Variants in PPOX observed in about 807,000 individuals in gnomAD.
PPOX encodes the protein variegate porphyria.
A neutral mutation model predicts 54.1 loss-of-function variants in PPOX; 23 were observed. The ratio of observed to expected loss-of-function variants is 0.43; its 90% CI spans 0.31 to 0.60. The LOEUF is 0.60. PPOX is among the 20% of genes least tolerant of loss of function. The pLI, the probability that PPOX is intolerant of heterozygous loss-of-function variation, is 0.13. For missense variants in PPOX, 512 were observed against 601.1 expected, an observed-to-expected ratio of 0.85 and a Z score of 1.55; for synonymous variants, 224 against 236.1, an observed-to-expected ratio of 0.95 and a Z score of 0.47.
Position 161,169,641 on chromosome 1 carries a change from A to G in PPOX, c.808-19A>G. 2.5e-6 allele frequency: 4 copies of G among 1,613,086 alleles called. No individual in the cohort carries two copies. The highest frequency in any genetic ancestry group is 3.4e-6 in the Non-Finnish European group (4 of 1,179,056). On this transcript the variant is annotated intron_variant, in intron 7 of 12. Transcript: ENST00000367999. ...AAATTCTCATTTTCTGGGTCTCTCA[A>G]ATGTTTTCATGCTCTCAGGTATCTC...
intron 6 of PPOX, 128 bp downstream of exon 6, chr1:161,168,704 C>A: frequency 7.7e-7 from 1 of 1,300,620 alleles, no homozygotes; most frequent in Non-Finnish European, 1.1e-6. Flanking sequence ...GCTGCCTAGG[C>A]TGGAGTGCAG....
In PPOX at chr1:161,166,549, AGCCCTGCGAGGGCCGATAGCGAGGGTGT is replaced by A; in HGVS notation, c.-130_-103del. On this transcript the variant is annotated 5_prime_UTR_variant, in exon 1 of 13. Transcript: ENST00000367999. ...ACTCAGGCGTACTGCCCGCCGCCCG[AGCCCTGCGAGGGCCGATAGCGAGGGTGT>A]GGCCCTTATCTGCACCCAGCAGAGC... 2.2e-6 allele frequency: 3 copies of A among 1,387,254 alleles called. No individual in the cohort carries two copies. Among genetic ancestry groups the A allele is most frequent in the Non-Finnish European group, 2.8e-6 (3 of 1,069,106 alleles). The allele number at this position is 1,387,254 out of a possible 1,614,324, so 85.9% of individuals were successfully genotyped here.
downstream of PPOX, chr1:161,171,319 A>G: frequency 7.3e-7 from 1 of 1,362,610 alleles, no homozygotes. Context: ...ATGCGAGACA[A>G]AGTCCTTTAT....
At chr1:161,174,489 ACTAT>A (rs1157048066), downstream of PPOX, among the ~76,000 whole-genome samples, 1 of 152,018 alleles carries the variant, frequency 6.6e-6, no homozygotes, top group Non-Finnish European at 1.5e-5. Flanking sequence ...AAAAAGAAAG[ACTAT>A]CTTTTTCATT....
Position 161,171,152 on chromosome 1 carries a change from C to G in PPOX, c.1410C>G (p.Val470=), listed in dbSNP as rs779680280. The part of the protein sequence containing the change: ...IESGRQAAVS[V]LGTEPNS The stretch of plus-strand genomic sequence containing the variant: ...GTGGGCGCCAGGCAGCAGTCAGTGT[C>G]CTGGGCACAGAACCTAACAGCTGAT... Residue 470 remains valine, a synonymous_variant, in exon 13 of 13, where the codon GTC becomes GTG. Transcript: ENST00000367999. 3.7e-6 allele frequency: 6 copies of G among 1,613,462 alleles called. No homozygotes were observed. The highest frequency in any genetic ancestry group is 5.1e-6 in the Non-Finnish European group (6 of 1,180,038).
chr1:161,172,674 G>A (rs573465896), downstream of PPOX, among the ~76,000 whole-genome samples: 1 of 135,370 alleles, frequency 7.4e-6, no homozygotes, highest in African/African-American at 2.6e-5. Flanking sequence ...ACTGGGAGTT[G>A]CTGAGAATCT....
Position 161,167,011 on chromosome 1 carries a change from G to A in PPOX, c.87+77G>A, listed in dbSNP as rs1278933271. ...TCCATCAAAAGCTAGATGGATCCTGGCCCTCTGAATATGCCTCTTCCCCTC... is the reference window on the plus strand; with the variant it reads ...TCCATCAAAAGCTAGATGGATCCTGACCCTCTGAATATGCCTCTTCCCCTC... On this transcript the variant is annotated intron_variant, in intron 2 of 12. Transcript: ENST00000367999. 2.5e-6 allele frequency: 4 copies of A among 1,611,626 alleles called. No homozygotes were observed. The African/African-American group carries it at 4.0e-5, about 16-fold the overall frequency.
chr1:161,167,557 CTTTTTTTTTTTTT>C lies in PPOX; in HGVS notation c.338+86_338+98del, dbSNP rs397731347. On this transcript the variant is annotated intron_variant, in intron 4 of 12. Transcript: ENST00000367999. ...ATGCCTTCCATTTCTTTCTTCTTTT[CTTTTTTTTTTTTT>C]TTTTTTTTTTTTTTGAGACGGAGTA... 1,612 of 555,078 alleles carry C rather than the reference CTTTTTTTTTTTTT, an allele frequency of 2.9e-3. 20 individuals are homozygous for C. The African/African-American group carries it at 0.038, about 13-fold the overall frequency. The allele number at this position is 555,078 out of a possible 1,614,324, so 34.4% of individuals were successfully genotyped here. A position where few individuals can be genotyped will look rare whatever the true frequency, so the allele number is the denominator to read the frequency against.
intron 3 of PPOX, 33 bp from the exon 4 acceptor site, chr1:161,167,338 G>A (rs779903680): frequency 6.2e-7 from 1 of 1,614,028 alleles, no homozygotes; most frequent in South Asian, 1.1e-5. Context: ...TCTTCCCTTA[G>A]TTTCTCCTCT....
chr1:161,166,435 G>A lies in PPOX; in HGVS notation c.-246G>A. The A allele has an allele frequency of 2.5e-6, 3 of 1,185,962 alleles. No individual in the cohort carries two copies. The highest frequency in any genetic ancestry group is 3.2e-6 in the Non-Finnish European group (3 of 944,912). The allele number at this position is 1,185,962 out of a possible 1,614,324, so 73.5% of individuals were successfully genotyped here. ...GCCGCGAGAACAGAGTGGACGGAGC[G>A]TAGGAGAGACCGAAAAGGCTGGGGG... is the stretch of plus-strand genomic sequence containing the variant. On this transcript the variant is annotated 5_prime_UTR_variant, in exon 1 of 13. Transcript: ENST00000367999.
In PPOX at chr1:161,169,820, G is replaced by C; in HGVS notation, c.869-86G>C. 4.3e-6 allele frequency: 7 copies of C among 1,613,976 alleles called. No individual in the cohort carries two copies. The South Asian group carries it at 7.7e-5, about 18-fold the overall frequency. Reference sequence around the variant, plus strand: ...AGGACCACACCATGCCCCTGAACTGGTCATCTCTATGGGAGTCTAATCCCA... The same window carrying C: ...AGGACCACACCATGCCCCTGAACTGCTCATCTCTATGGGAGTCTAATCCCA... On this transcript the variant is annotated intron_variant, in intron 8 of 12. Coordinates refer to ENST00000367999, the MANE Select transcript of PPOX (RefSeq NM_001122764.3).
chr1:161,166,412 C>T (rs1317146260), upstream of PPOX: 3 of 1,116,564 alleles, frequency 2.7e-6, no homozygotes, highest in Admixed American at 4.4e-5. Flanking sequence ...AGGCGCGTGC[C>T]GCGAGAACAG....
chr1:161,174,088 G>A (rs763002200), downstream of PPOX: 3 of 1,594,936 alleles, frequency 1.9e-6, no homozygotes, highest in South Asian at 3.4e-5. Context: ...ATGTCTGTAG[G>A]TGGCACGGAG....
At chr1:161,172,698 G>A (rs1390670313), downstream of PPOX, among the ~76,000 whole-genome samples, 1 of 152,010 alleles carries the variant, frequency 6.6e-6, no homozygotes, top group East Asian at 1.9e-4. Flanking sequence ...AATAGTGACT[G>A]AGCTACCCCA....
At chr1:161,174,829 G>A (rs181630491), downstream of PPOX, 245 of 691,546 alleles carry the variant, frequency 3.5e-4, 1 homozygote, top group African/African-American at 4.2e-3. Flanking sequence ...GAAAAGTATG[G>A]GACTAACAAA....
At chr1:161,171,226 C>G, downstream of PPOX, 1 of 1,611,760 alleles carries the variant, frequency 6.2e-7, no homozygotes, top group South Asian at 1.1e-5. Context: ...TTGGCTTGGT[C>G]TGGCTGTTCT....
intron 4 of PPOX, chr1:161,176,680 T>TG: frequency 1.6e-6 from 1 of 607,540 alleles, no homozygotes. Context: ...GGAAAGTGGT[T>TG]GGAAAGGAAG....
chr1:161,173,974 C>T (rs766543811), downstream of PPOX: 5 of 1,614,018 alleles, frequency 3.1e-6, no homozygotes, highest in South Asian at 5.5e-5. Context: ...AACAGGCAGT[C>T]CCACTCTTCA....
chr1:161,168,497 CAT>C lies in PPOX; in HGVS notation c.538_539del (p.Ile180GlnfsTer11), dbSNP rs1571357779. ...TTGCAGGCAACAGCCGTGAGCTCAG[CAT>C]CAGGTCCTGCTTTCCCAGTCTCTTC... is the stretch of plus-strand genomic sequence containing the variant. ...VFAGNSRELS[I>X]RSCFPSLFQA... On this transcript the variant is annotated frameshift_variant, in exon 6 of 13. Transcript: ENST00000367999. LOFTEE classifies it high-confidence loss of function. 4 of 1,614,202 alleles carry C rather than the reference CAT, an allele frequency of 2.5e-6. No individual in the cohort carries two copies. The highest frequency in any genetic ancestry group is 3.4e-6 in the Non-Finnish European group (4 of 1,180,028).
Sources: allele counts gnomAD v4.1 joint callset (sites outside exome capture counted in the v4.1 genomes callset), GRCh38; gene constraint gnomAD v4.1.1; transcripts MANE v1.5; gene names NCBI Gene and HGNC (gene_info 2026-07-23, HGNC 2026-07-21).